XKR4: variants seen among roughly 807,000 people sequenced by gnomAD.
The protein encoded by XKR4 is XK related 4, also known as XK-related protein 4.
XKR4 carries 12 observed loss-of-function variants against 53.9 expected under a neutral mutation model. That is an observed-to-expected ratio of 0.22 (90% CI 0.14 to 0.36). The LOEUF is 0.36. Ranked by LOEUF, XKR4 falls within the 10% of genes least tolerant of loss-of-function variation. XKR4 has a pLI of 1.00. For missense variants in XKR4, 799 were observed against 859.5 expected (o/e 0.93, Z 0.88); for synonymous variants, 354 against 362.4 (o/e 0.98, Z 0.26).
At chr8:55,295,231 T>C (rs992733589) in intron 1 of XKR4, among the ~76,000 whole-genome samples, 2 of 152,154 alleles carry the variant, frequency 1.3e-5, no homozygotes, top group Non-Finnish European at 2.9e-5. Flanking sequence ...TGAAAATAAA[T>C]TTCTGTGACA....
Position 55,375,727 on chromosome 8 carries a change from T to TA in XKR4, c.1006+17853dup, listed in dbSNP as rs1554520996. On this transcript the variant is annotated intron_variant, in intron 2 of 2. Coordinates refer to ENST00000327381, the MANE Select transcript of XKR4 (RefSeq NM_052898.2). ...ATTTTCTTCTTTTTCTTTTTTTTTT[T>TA]AAATATATTTTTTAAGTTCCAGGGT... 5.8e-3 allele frequency among the ~76,000 whole-genome samples: 885 copies of TA among 151,682 alleles called. 1 individual carries two copies. Among genetic ancestry groups the TA allele is most frequent in the Non-Finnish European group, 0.011 (717 of 67,914 alleles).
At chr8:55,229,161 T>G (rs1160147751) in intron 1 of XKR4, among the ~76,000 whole-genome samples, 1 of 152,170 alleles carries the variant, frequency 6.6e-6, no homozygotes, top group Non-Finnish European at 1.5e-5. Context: ...CTTAAATCCA[T>G]CCTGTTTGTA....
chr8:55,468,346 T>A (rs1003762887), intron 2 of XKR4, among the ~76,000 whole-genome samples: 1 of 152,166 alleles, frequency 6.6e-6, no homozygotes, highest in Non-Finnish European at 1.5e-5. Flanking sequence ...AGTTTACAGC[T>A]CTGAGTATTT....
intron 2 of XKR4, among the ~76,000 whole-genome samples, chr8:55,437,320 T>G (rs1292153700): frequency 6.6e-6 from 1 of 152,196 alleles, no homozygotes; most frequent in Admixed American, 6.5e-5. Flanking sequence ...CATGAGCCAC[T>G]GTGCCTGGCC....
At chr8:55,355,723 G>A (rs114557608) in intron 1 of XKR4, among the ~76,000 whole-genome samples, 280 of 152,234 alleles carry the variant, frequency 1.8e-3, no homozygotes, top group African/African-American at 6.4e-3. Flanking sequence ...GATTTAAAGG[G>A]CTCAAATAAA....
intron 1 of XKR4, among the ~76,000 whole-genome samples, chr8:55,179,497 A>G (rs938887333): frequency 6.6e-6 from 1 of 152,234 alleles, no homozygotes; most frequent in African/African-American, 2.4e-5. Context: ...GTTGATCATT[A>G]GAAAGTAATC....
chr8:55,114,098 G>T (rs952655400), intron 1 of XKR4, among the ~76,000 whole-genome samples: 5 of 152,120 alleles, frequency 3.3e-5, no homozygotes, highest in Non-Finnish European at 5.9e-5. Flanking sequence ...CCAGAAATGG[G>T]ATTGCTGGAT....
At chr8:55,328,303 A>G (rs1423322972) in intron 1 of XKR4, among the ~76,000 whole-genome samples, 1 of 152,226 alleles carries the variant, frequency 6.6e-6, no homozygotes. Flanking sequence ...TTACTGAAAC[A>G]GTACATGGTG....
At chr8:55,474,359 G>T (rs1805943593) in intron 2 of XKR4, among the ~76,000 whole-genome samples, 1 of 152,050 alleles carries the variant, frequency 6.6e-6, no homozygotes, top group Non-Finnish European at 1.5e-5. Flanking sequence ...CATATTCCTG[G>T]AGTATGCTCT....
At chr8:55,501,999 T>C (rs1806445838) in intron 2 of XKR4, among the ~76,000 whole-genome samples, 1 of 152,156 alleles carries the variant, frequency 6.6e-6, no homozygotes. Flanking sequence ...TTACTTACAA[T>C]GTACAATACA....
chr8:55,159,966 A>T (rs1257857712), intron 1 of XKR4, among the ~76,000 whole-genome samples: 1 of 152,226 alleles, frequency 6.6e-6, no homozygotes, highest in Non-Finnish European at 1.5e-5. Flanking sequence ...ATTGGATAAA[A>T]GTCAGGATGT....
intron 2 of XKR4, among the ~76,000 whole-genome samples, chr8:55,477,111 A>AC (rs140045737): frequency 0.75 from 114,372 of 151,810 alleles, 43,684 homozygotes; most frequent in African/African-American, 0.88. Flanking sequence ...TGGGTCCCTG[A>AC]CCCCGAGCAG....
intron 1 of XKR4, among the ~76,000 whole-genome samples, chr8:55,147,606 C>T (rs903352823): frequency 4.6e-5 from 7 of 152,158 alleles, no homozygotes; most frequent in African/African-American, 9.7e-5. Context: ...GCCTGCTTGT[C>T]CCTTTCCCAG....
At chr8:55,302,331 C>T (rs1208003660) in intron 1 of XKR4, among the ~76,000 whole-genome samples, 68 of 145,918 alleles carry the variant, frequency 4.7e-4, no homozygotes, top group South Asian at 1.1e-3. Flanking sequence ...TTTCTGAGGG[C>T]TCTGTTCTGT....
chr8:55,316,673 C>T (rs982805573), intron 1 of XKR4, among the ~76,000 whole-genome samples: 1 of 152,132 alleles, frequency 6.6e-6, no homozygotes, highest in Non-Finnish European at 1.5e-5. Context: ...TGCCCCACCA[C>T]ATCCCTAGAT....
rs868122714 is a variant in XKR4 at position 55,449,831 on chromosome 8, G to A, written c.1007-73450G>A. On this transcript the variant is annotated intron_variant, in intron 2 of 2. Transcript: ENST00000327381. ...CTTCTTGTACAGAGTGCCCTCGTAGGACCTGTTCTCACTCTCAGCTGTCTG... is the reference window on the plus strand; with the variant it reads ...CTTCTTGTACAGAGTGCCCTCGTAGAACCTGTTCTCACTCTCAGCTGTCTG... 8.9e-5 allele frequency: 102 copies of A among 1,152,206 alleles called. No homozygotes were observed. The Middle Eastern group carries it at 1.9e-3, about 22-fold the overall frequency. 71.4% of individuals were successfully genotyped at this position (1,152,206 alleles called of 1,614,324 possible).
chr8:55,523,213 T>C (rs1211713862), intron 2 of XKR4, 68 bp from the exon 3 acceptor site: 2 of 1,389,934 alleles, frequency 1.4e-6, no homozygotes, highest in Admixed American at 2.5e-5. Flanking sequence ...CCCCCAGCTC[T>C]GTGTGACTTC....
At chr8:55,286,798 G>C (rs997770575) in intron 1 of XKR4, among the ~76,000 whole-genome samples, 1 of 152,066 alleles carries the variant, frequency 6.6e-6, no homozygotes, top group East Asian at 1.9e-4. Flanking sequence ...AATGTGATGG[G>C]CACTCACCTC....
intron 1 of XKR4, among the ~76,000 whole-genome samples, chr8:55,195,202 A>G (rs1023223424): frequency 1.0e-5 from 1 of 99,410 alleles, no homozygotes; most frequent in Non-Finnish European, 2.4e-5. Context: ...CTCATATTAG[A>G]TTCATTTACC....
Sources: gnomAD v4.1 joint callset for allele counts (sites outside exome capture counted in the v4.1 genomes callset) on GRCh38, gnomAD v4.1.1 for gene constraint, MANE v1.5 for transcripts, NCBI Gene and HGNC (gene_info 2026-07-23, HGNC 2026-07-21) for gene names.